Variants in GALNTL6 observed in about 807,000 individuals in gnomAD.
The protein encoded by GALNTL6 is polypeptide N-acetylgalactosaminyltransferase like 6, also known as polypeptide N-acetylgalactosaminyltransferase-like 6.
A neutral mutation model predicts 73.7 loss-of-function variants in GALNTL6; 46 were observed. That is an observed-to-expected ratio of 0.62 (90% CI 0.49 to 0.80). The LOEUF (loss-of-function observed/expected upper bound fraction) is 0.80, where lower values mean the gene tolerates loss of function less well. Ranked by LOEUF, GALNTL6 falls within the 30% of genes least tolerant of loss-of-function variation. The probability of loss-of-function intolerance (pLI) is 0.00; values close to 1 mark genes in which losing one functional copy is unlikely to be tolerated. For missense variants in GALNTL6, 604 were observed against 755.0 expected (o/e 0.80, Z 2.34); for synonymous variants, 259 against 263.7 (o/e 0.98, Z 0.17).
chr4:171,853,599 CTTTTTTTTTTT>C (rs35078885), intron 2 of GALNTL6, among the ~76,000 whole-genome samples: 10 of 35,306 alleles, frequency 2.8e-4, no homozygotes, highest in African/African-American at 9.8e-4. Flanking sequence ...TTTAGCCACT[CTTTTTTTTTTT>C]TTTTTTTTTT....
chr4:171,823,838 G>A (rs1463942525), intron 2 of GALNTL6, among the ~76,000 whole-genome samples: 1 of 151,032 alleles, frequency 6.6e-6, no homozygotes, highest in Non-Finnish European at 1.5e-5. Flanking sequence ...CTTAAGCATA[G>A]TATAGTAAGT....
At chr4:173,037,156 G>C (rs142823509) in intron 12 of GALNTL6, among the ~76,000 whole-genome samples, 1 of 152,328 alleles carries the variant, frequency 6.6e-6, no homozygotes, top group Non-Finnish European at 1.5e-5. Flanking sequence ...CCCAAGACAA[G>C]GGTGAGCAGA....
chr4:172,385,216 G>C (rs1743422770), intron 5 of GALNTL6, among the ~76,000 whole-genome samples: 2 of 151,668 alleles, frequency 1.3e-5, no homozygotes, highest in Admixed American at 1.3e-4. Flanking sequence ...GTTTATCAAG[G>C]AACTCATGAG....
At position 172,809,491 on chromosome 4, in the gene GALNTL6, G is replaced by A; in HGVS notation, c.684G>A (p.Leu228=). ...CATCTATGGCCAGAGGAGAAGTCCT[G>A]ACATTCCTGGACTCCCACTGCGAGG... is the stretch of plus-strand genomic sequence containing the variant. ...LGASMARGEV[L]TFLDSHCEVN... is the part of the protein sequence containing the mutation. Residue 228 remains leucine, a synonymous_variant, in exon 6 of 13, where the codon CTG becomes CTA. Coordinates refer to ENST00000506823, the MANE Select transcript of GALNTL6 (RefSeq NM_001034845.3). The surrounding 1 kb of genome is among the most constrained non-coding windows in gnomAD (Gnocchi z 4.4). 2 of 1,613,778 alleles carry A rather than the reference G, an allele frequency of 1.2e-6. No homozygotes were observed. Among genetic ancestry groups the A allele is most frequent in the Non-Finnish European group, 1.7e-6 (2 of 1,179,820 alleles).
At chr4:171,847,503 G>A (rs1735405289) in intron 2 of GALNTL6, among the ~76,000 whole-genome samples, 1 of 152,084 alleles carries the variant, frequency 6.6e-6, no homozygotes, top group South Asian at 2.1e-4. Flanking sequence ...TGATGGACTT[G>A]TCCTTTCACA....
chr4:172,342,965 T>C (rs1561036137), intron 4 of GALNTL6, among the ~76,000 whole-genome samples: 1 of 152,190 alleles, frequency 6.6e-6, no homozygotes, highest in Non-Finnish European at 1.5e-5. Flanking sequence ...TGATTGACAG[T>C]GATCAAGATG....
In GALNTL6 at chr4:172,768,437, A is replaced by G. The variant is rs192926071; in HGVS notation, c.554-40924A>G. Among the ~76,000 whole-genome samples, 4 of 152,286 alleles carry G rather than the reference A, an allele frequency of 2.6e-5. No homozygotes were observed. The East Asian group carries it at 7.7e-4, about 29-fold the overall frequency. ...CCAGGCTCTTGACACCATTGTGAGA[A>G]CGAATTCAAGAATGAGTTAGAAAAG... On this transcript the variant is annotated intron_variant, in intron 5 of 12. Transcript: ENST00000506823.
intron 2 of GALNTL6, among the ~76,000 whole-genome samples, chr4:171,976,841 C>G (rs749833697): frequency 2.6e-5 from 4 of 152,024 alleles, no homozygotes; most frequent in Non-Finnish European, 5.9e-5. Flanking sequence ...TTCTCAGGAA[C>G]AAAAATCTCT....
chr4:172,973,648 A>G (rs1453299531), intron 10 of GALNTL6, among the ~76,000 whole-genome samples: 1 of 152,246 alleles, frequency 6.6e-6, no homozygotes, highest in Non-Finnish European at 1.5e-5. Context: ...GTGAAAAGAG[A>G]TATTTTAGAT....
chr4:172,775,506 G>A (rs1739022966), intron 5 of GALNTL6, among the ~76,000 whole-genome samples: 1 of 152,100 alleles, frequency 6.6e-6, no homozygotes, highest in Non-Finnish European at 1.5e-5. Flanking sequence ...TGTAATCTTT[G>A]GATGGTACAT....
At chr4:172,009,019 T>C (rs2110774933) in intron 2 of GALNTL6, among the ~76,000 whole-genome samples, 1 of 152,186 alleles carries the variant, frequency 6.6e-6, no homozygotes, top group East Asian at 1.9e-4. Context: ...ATTGGGCATA[T>C]TTCTGGTATT....
chr4:172,167,827 C>T (rs554872294), intron 2 of GALNTL6, among the ~76,000 whole-genome samples: 1 of 147,416 alleles, frequency 6.8e-6, no homozygotes, highest in Non-Finnish European at 1.5e-5. Context: ...GGCGCGGTGG[C>T]GGGCGCCTGT....
intron 8 of GALNTL6, among the ~76,000 whole-genome samples, chr4:172,889,482 CA>C (rs1745906181): frequency 6.6e-6 from 1 of 152,122 alleles, no homozygotes. Context: ...TGGGATTTAT[CA>C]AAAGCATTTT....
At position 172,161,843 on chromosome 4, in the gene GALNTL6, C is replaced by T. The variant is rs115641106; in HGVS notation, c.139-67813C>T. On this transcript the variant is annotated intron_variant, in intron 2 of 12. Coordinates refer to ENST00000506823, the MANE Select transcript of GALNTL6 (RefSeq NM_001034845.3). ...GCTTGACTTTGTGTAGCACTTGTAACGACAAGTCAGTAAAGATTGAGGCAA... is the reference window on the plus strand; with the variant it reads ...GCTTGACTTTGTGTAGCACTTGTAATGACAAGTCAGTAAAGATTGAGGCAA... 2.7e-3 allele frequency among the ~76,000 whole-genome samples: 410 copies of T among 151,866 alleles called. 3 individuals carry two copies. The highest frequency in any genetic ancestry group is 9.3e-3 in the African/African-American group (384 of 41,420).
intron 5 of GALNTL6, among the ~76,000 whole-genome samples, chr4:172,364,510 T>A (rs541590565): frequency 6.6e-6 from 1 of 152,334 alleles, no homozygotes; most frequent in African/African-American, 2.4e-5. Context: ...ATAAGTATTC[T>A]ATTTATTTAA....
chr4:172,330,354 G>A (rs543310834), intron 4 of GALNTL6, among the ~76,000 whole-genome samples: 1 of 152,148 alleles, frequency 6.6e-6, no homozygotes, highest in Non-Finnish European at 1.5e-5. Context: ...GGGAGGTGTG[G>A]GTCCCCGGAG....
chr4:172,990,813 C>A (rs1042696524), intron 10 of GALNTL6, among the ~76,000 whole-genome samples: 18 of 152,160 alleles, frequency 1.2e-4, no homozygotes, highest in African/African-American at 4.3e-4. Flanking sequence ...ATAAAATATA[C>A]TGAGACATAT....
chr4:172,035,007 T>C (rs1741890445), intron 2 of GALNTL6, among the ~76,000 whole-genome samples: 1 of 152,144 alleles, frequency 6.6e-6, no homozygotes, highest in Admixed American at 6.6e-5. Flanking sequence ...GTGAAAATCA[T>C]GTTACTGTCA....
chr4:172,938,863 T>A (rs980927397), intron 9 of GALNTL6, among the ~76,000 whole-genome samples: 1 of 152,248 alleles, frequency 6.6e-6, no homozygotes, highest in Admixed American at 6.5e-5. Flanking sequence ...CAGAGGCAAT[T>A]CTGAAAGCAA....
Sources: allele counts gnomAD v4.1 joint callset (sites outside exome capture counted in the v4.1 genomes callset), GRCh38; gene constraint gnomAD v4.1.1; non-coding constraint Gnocchi (gnomAD v3.1); transcripts MANE v1.5; gene names NCBI Gene and HGNC (gene_info 2026-07-23, HGNC 2026-07-21).